The following LNPEP variants were observed in gnomAD, a reference collection of about 807,000 sequenced individuals.
LNPEP encodes the protein leucyl and cystinyl aminopeptidase.
In LNPEP, 64 loss-of-function variants were observed where a neutral mutation model predicts 120.6. That is an observed-to-expected ratio of 0.53 (90% CI 0.43 to 0.65). The LOEUF is 0.65. Ranked by LOEUF, LNPEP falls within the 30% of genes least tolerant of loss-of-function variation. LNPEP has a pLI of 0.00. For synonymous variants in LNPEP, 435 were observed against 425.4 expected (o/e 1.02, Z -0.28); for missense variants, 1,057 against 1,200.0 (o/e 0.88, Z 1.76).
At chr5:96,953,900 A>G (rs1178498751) in intron 1 of LNPEP, among the ~76,000 whole-genome samples, 1 of 152,226 alleles carries the variant, frequency 6.6e-6, no homozygotes, top group African/African-American at 2.4e-5. Flanking sequence ...CTGAACCCAT[A>G]GCAGTTTCTA....
At chr5:97,010,115 A>G in intron 11 of LNPEP, 1 of 208,986 alleles carries the variant, frequency 4.8e-6, no homozygotes, top group Non-Finnish European at 8.3e-6. Context: ...TGTGCACAAG[A>G]AATGCTGATG....
intron 1 of LNPEP, among the ~76,000 whole-genome samples, chr5:96,956,597 T>C (rs1789474771): frequency 6.6e-6 from 1 of 152,256 alleles, no homozygotes; most frequent in Non-Finnish European, 1.5e-5. Context: ...TGAGTATTTC[T>C]TTACTTTTGG....
chr5:97,034,118 C>T lies in LNPEP; in HGVS notation c.*5585C>T, dbSNP rs1019717445. ...TGAAAATCTCCTCTTTTCCCCTTTC[C>T]TTATTGCCTCTGTAGGCAATAATTA... is the stretch of plus-strand genomic sequence containing the variant. On this transcript the variant is annotated 3_prime_UTR_variant, in exon 18 of 18. Coordinates refer to ENST00000231368, the MANE Select transcript of LNPEP (RefSeq NM_005575.3). The T allele has an allele frequency of 6.6e-6, 1 of 152,070 alleles. No homozygotes were observed. The highest frequency in any genetic ancestry group is 1.5e-5 in the Non-Finnish European group (1 of 68,012). 9.4% of individuals were successfully genotyped at this position (152,070 alleles called of 1,614,324 possible).
intron 13 of LNPEP, among the ~76,000 whole-genome samples, chr5:97,017,833 G>A (rs1561453737): frequency 6.6e-6 from 1 of 152,098 alleles, no homozygotes; most frequent in African/African-American, 2.4e-5. Flanking sequence ...CAAAATCAAG[G>A]TATTGGCAGA....
chr5:96,955,775 A>G (rs1337340547), intron 1 of LNPEP, among the ~76,000 whole-genome samples: 1 of 152,252 alleles, frequency 6.6e-6, no homozygotes, highest in Non-Finnish European at 1.5e-5. Flanking sequence ...GTCTTTGTAT[A>G]GACATTCAGT....
chr5:96,946,745 A>G (rs892984129), intron 1 of LNPEP, among the ~76,000 whole-genome samples: 3 of 152,222 alleles, frequency 2.0e-5, no homozygotes, highest in African/African-American at 7.2e-5. Context: ...AGACTGTCGT[A>G]TACCTGGTGT....
rs144547739 is a variant in LNPEP, at chr5:96,990,985, C to A, written c.1132-2030C>A. 9.2e-3 allele frequency among the ~76,000 whole-genome samples: 1,400 copies of A among 152,180 alleles called. 24 individuals are homozygous for A. The highest frequency in any genetic ancestry group is 0.032 in the African/African-American group (1,317 of 41,508). ...TGGATAAGTTCTTTAGTGGTGATTTCTGAGATTTTGGTGCACCCATCACCC... is the reference window on the plus strand; with the variant it reads ...TGGATAAGTTCTTTAGTGGTGATTTATGAGATTTTGGTGCACCCATCACCC... On this transcript the variant is annotated intron_variant, in intron 4 of 17. Coordinates refer to ENST00000231368, the MANE Select transcript of LNPEP (RefSeq NM_005575.3).
At chr5:96,986,429 G>A (rs559979973) in intron 3 of LNPEP, 110 bp from the exon 4 acceptor site, 6 of 1,057,814 alleles carry the variant, frequency 5.7e-6, no homozygotes, top group Non-Finnish European at 8.4e-6. Flanking sequence ...GTTATAATAT[G>A]CTAGCATCTT....
chr5:97,011,821 T>C (rs769217982), intron 11 of LNPEP, among the ~76,000 whole-genome samples: 3 of 152,248 alleles, frequency 2.0e-5, no homozygotes, highest in Non-Finnish European at 2.9e-5. Context: ...CTGCTTAGCT[T>C]ATTATGTCCT....
intron 2 of LNPEP, 67 bp downstream of exon 2, chr5:96,980,045 T>A: frequency 7.0e-7 from 1 of 1,422,396 alleles, no homozygotes; most frequent in Non-Finnish European, 9.5e-7. Flanking sequence ...GATCCCTTTG[T>A]CCACACCAGA....
intron 9 of LNPEP, among the ~76,000 whole-genome samples, chr5:97,004,661 G>T (rs1582020980): frequency 1.3e-5 from 2 of 152,088 alleles, no homozygotes; most frequent in African/African-American, 4.8e-5. Flanking sequence ...CCCTGCTCTG[G>T]ATCTTTCTCA....
At chr5:96,995,467 T>A (rs970028980) in intron 6 of LNPEP, among the ~76,000 whole-genome samples, 3 of 152,134 alleles carry the variant, frequency 2.0e-5, no homozygotes, top group African/African-American at 7.2e-5. Flanking sequence ...TTCTTTTTAC[T>A]ACCTCATAGA....
At chr5:96,942,471 T>G in intron 1 of LNPEP, 1 of 152,188 alleles carries the variant, frequency 6.6e-6, no homozygotes, top group Non-Finnish European at 1.5e-5. Flanking sequence ...CTGGCCAACA[T>G]GGTGAAACCC....
chr5:96,939,931 A>G (rs947774296), intron 1 of LNPEP, among the ~76,000 whole-genome samples: 49 of 151,980 alleles, frequency 3.2e-4, no homozygotes, highest in African/African-American at 1.2e-3. Context: ...TTTTGTTTTT[A>G]TTTTTCTTTT....
At chr5:96,976,253 A>T (rs1190508624) in intron 1 of LNPEP, among the ~76,000 whole-genome samples, 1 of 152,188 alleles carries the variant, frequency 6.6e-6, no homozygotes, top group Non-Finnish European at 1.5e-5. Context: ...TACAAAAAAA[A>T]AACTGTGCTT....
At chr5:96,973,373 C>T (rs1480637885) in intron 1 of LNPEP, among the ~76,000 whole-genome samples, 1 of 151,588 alleles carries the variant, frequency 6.6e-6, no homozygotes, top group African/African-American at 2.4e-5. Flanking sequence ...GAAGAGTATT[C>T]TCATTAGGGA....
chr5:97,015,758 GTGAGATTTCCCAGGGACC>G (rs775049885), intron 13 of LNPEP, among the ~76,000 whole-genome samples: 15 of 152,096 alleles, frequency 9.9e-5, no homozygotes, highest in Non-Finnish European at 2.2e-4. Flanking sequence ...TTATAAACTA[GTGAGATTTCCCAGGGACC>G]CAGGCAAAAG....
intron 4 of LNPEP, among the ~76,000 whole-genome samples, chr5:96,992,790 T>TGGGGCGGGGGG (rs1790423403): frequency 1.1e-4 from 6 of 52,540 alleles, no homozygotes; most frequent in African/African-American, 3.7e-4. Context: ...GGGGCGGGGG[T>TGGGGCGGGGGG]GGGGCGGGGT....
intron 1 of LNPEP, among the ~76,000 whole-genome samples, chr5:96,955,247 A>C (rs983736222): frequency 6.6e-6 from 1 of 152,154 alleles, no homozygotes; most frequent in Non-Finnish European, 1.5e-5. Context: ...ATATAATTTT[A>C]TGTAAATGGA....
Sources: gnomAD v4.1 joint callset for allele counts (sites outside exome capture counted in the v4.1 genomes callset) on GRCh38, gnomAD v4.1.1 for gene constraint, MANE v1.5 for transcripts, NCBI Gene and HGNC (gene_info 2026-07-23, HGNC 2026-07-21) for gene names.